THEMIS: variants seen among roughly 807,000 people sequenced by gnomAD.
The protein encoded by THEMIS is protein THEMIS.
THEMIS carries 37 observed loss-of-function variants against 52.6 expected under a neutral mutation model. The observed-to-expected ratio is 0.70, with a 90% CI of 0.54 to 0.93. The LOEUF (loss-of-function observed/expected upper bound fraction) is 0.93. Ranked by LOEUF, THEMIS falls within the 40% of genes least tolerant of loss-of-function variation. The pLI is 0.00. For synonymous variants in THEMIS, 292 were observed against 272.7 expected (o/e 1.07, Z -0.70); for missense variants, 808 against 763.1 (o/e 1.06, Z -0.69).
intron 1 of THEMIS, among the ~76,000 whole-genome samples, chr6:127,885,996 C>T (rs1329510237): frequency 6.6e-6 from 1 of 152,106 alleles, no homozygotes; most frequent in Non-Finnish European, 1.5e-5. Context: ...TCCAAAAGAG[C>T]CATATGTGGT....
At chr6:127,704,211 T>C (rs961262153), downstream of THEMIS, among the ~76,000 whole-genome samples, 7 of 152,156 alleles carry the variant, frequency 4.6e-5, no homozygotes, top group African/African-American at 7.2e-5. Context: ...AGTAAGGCTT[T>C]TGGGGTTGGA....
At chr6:127,833,601 C>T (rs532360123) in intron 2 of THEMIS, among the ~76,000 whole-genome samples, 2 of 152,258 alleles carry the variant, frequency 1.3e-5, no homozygotes, top group African/African-American at 4.8e-5. Context: ...ATGGGTCTCA[C>T]CAGCCAGCCC....
chr6:127,858,625 CATA>C (rs993532933), intron 1 of THEMIS, among the ~76,000 whole-genome samples: 7 of 151,988 alleles, frequency 4.6e-5, no homozygotes, highest in African/African-American at 7.2e-5. Context: ...AAAACAAACA[CATA>C]ATATGTGTAA....
chr6:127,809,925 A>T (rs886457268), intron 4 of THEMIS, among the ~76,000 whole-genome samples: 1 of 151,198 alleles, frequency 6.6e-6, no homozygotes, highest in Non-Finnish European at 1.5e-5. Context: ...GAACCTCTTA[A>T]CATCTTTAAC....
intron 4 of THEMIS, among the ~76,000 whole-genome samples, chr6:127,755,063 G>A (rs1246692986): frequency 6.6e-6 from 1 of 151,714 alleles, no homozygotes; most frequent in East Asian, 1.9e-4. Context: ...TATTATTAGG[G>A]TAAATTCTTT....
intron 4 of THEMIS, among the ~76,000 whole-genome samples, chr6:127,788,615 A>C (rs1195085751): frequency 6.6e-6 from 1 of 152,222 alleles, no homozygotes; most frequent in Non-Finnish European, 1.5e-5. Flanking sequence ...ACTTGAAAAT[A>C]AGTTATTTTA....
intron 4 of THEMIS, among the ~76,000 whole-genome samples, chr6:127,732,486 A>T (rs1364704864): frequency 6.6e-6 from 1 of 152,208 alleles, no homozygotes; most frequent in Non-Finnish European, 1.5e-5. Context: ...CCATGCAACC[A>T]TTACCCAGAT....
chr6:127,706,460 C>T (rs1243045201), downstream of THEMIS, among the ~76,000 whole-genome samples: 1 of 152,066 alleles, frequency 6.6e-6, no homozygotes, highest in Non-Finnish European at 1.5e-5. Context: ...CTTGAGTTCT[C>T]ATATTCCTAA....
At chr6:127,915,093 CT>C (rs1781493030) in intron 1 of THEMIS, among the ~76,000 whole-genome samples, 1 of 152,016 alleles carries the variant, frequency 6.6e-6, no homozygotes, top group Non-Finnish European at 1.5e-5. Context: ...CATTTTTGTC[CT>C]ATTTTTAGGA....
chr6:127,894,415 T>G (rs1213251258), intron 1 of THEMIS, among the ~76,000 whole-genome samples: 1 of 151,784 alleles, frequency 6.6e-6, no homozygotes. Context: ...TAAACAAAAT[T>G]AATAGCTACT....
intron 1 of THEMIS, among the ~76,000 whole-genome samples, chr6:127,881,957 T>G (rs893915647): frequency 6.9e-6 from 1 of 144,878 alleles, no homozygotes; most frequent in Admixed American, 7.0e-5. Flanking sequence ...GGCATTCCAG[T>G]AGACAAGTTA....
In THEMIS at chr6:127,848,356, G is replaced by C. The variant is rs530575574; in HGVS notation, c.250+6674C>G. The stretch of plus-strand genomic sequence containing the variant: ...ACATTTGGGTTGGTTCCAACTCTTT[G>C]CTCTTGTGAATAGTGCTGCAATAAA... On this transcript the variant is annotated intron_variant, in intron 2 of 5. Transcript: ENST00000368248. Among the ~76,000 whole-genome samples the C allele has an allele frequency of 3.0e-4, 45 of 152,106 alleles. 2 individuals carry two copies. The South Asian group carries it at 8.9e-3, about 30-fold the overall frequency.
intron 4 of THEMIS, among the ~76,000 whole-genome samples, chr6:127,750,217 C>A (rs1319400907): frequency 1.3e-5 from 2 of 151,316 alleles, no homozygotes; most frequent in African/African-American, 2.4e-5. Flanking sequence ...TAATTAATAA[C>A]ATATTCTGGC....
chr6:127,873,373 A>G (rs1178993498), intron 1 of THEMIS, among the ~76,000 whole-genome samples: 1 of 152,208 alleles, frequency 6.6e-6, no homozygotes, highest in Non-Finnish European at 1.5e-5. Context: ...GTAGGAATTC[A>G]ACTACCCAAG....
At chr6:127,779,554 T>C (rs973824234) in intron 4 of THEMIS, among the ~76,000 whole-genome samples, 2 of 152,156 alleles carry the variant, frequency 1.3e-5, no homozygotes, top group Admixed American at 1.3e-4. Flanking sequence ...CTGAAAAATA[T>C]ACTATATTGC....
chr6:127,742,186 G>T (rs890093830), intron 4 of THEMIS, among the ~76,000 whole-genome samples: 2 of 151,670 alleles, frequency 1.3e-5, no homozygotes, highest in African/African-American at 4.8e-5. Flanking sequence ...ATGGTGGTGT[G>T]TGCCTGTAGT....
At chr6:127,705,647 C>T (rs1261777597), downstream of THEMIS, among the ~76,000 whole-genome samples, 1 of 152,160 alleles carries the variant, frequency 6.6e-6, no homozygotes, top group Non-Finnish European at 1.5e-5. Flanking sequence ...AGTGCCTCAG[C>T]CAGCACCGCC....
At chr6:127,805,421 A>G (rs1562268384) in intron 4 of THEMIS, among the ~76,000 whole-genome samples, 1 of 152,086 alleles carries the variant, frequency 6.6e-6, no homozygotes, top group Non-Finnish European at 1.5e-5. Context: ...TTTTCCTTAA[A>G]TAACGCATGC....
At chr6:127,884,727 C>T (rs1780593438) in intron 1 of THEMIS, among the ~76,000 whole-genome samples, 1 of 152,122 alleles carries the variant, frequency 6.6e-6, no homozygotes, top group Non-Finnish European at 1.5e-5. Flanking sequence ...ATACCATAGA[C>T]TGGGTAGTTT....
Sources: allele counts gnomAD v4.1 joint callset (sites outside exome capture counted in the v4.1 genomes callset), GRCh38; gene constraint gnomAD v4.1.1; transcripts MANE v1.5; gene names NCBI Gene and HGNC (gene_info 2026-07-23, HGNC 2026-07-21).